RFX3: variants seen among roughly 807,000 people sequenced by gnomAD.
The protein encoded by RFX3 is transcription factor RFX3.
Under a neutral mutation model 98.6 loss-of-function variants are expected in RFX3, and 14 were observed. The observed-to-expected ratio is 0.14, with a 90% confidence interval of 0.09 to 0.22. RFX3 has a LOEUF of 0.22. Ranked by LOEUF, RFX3 falls within the 10% of genes least tolerant of loss-of-function variation. The pLI, the probability that RFX3 is intolerant of heterozygous loss-of-function variation, is 1.00. For synonymous variants in RFX3, 383 were observed against 328.4 expected, an observed-to-expected ratio of 1.17 and a Z score of -1.80; for missense variants, 639 against 926.9, an observed-to-expected ratio of 0.69 and a Z score of 4.03.
intron 1 of RFX3, among the ~76,000 whole-genome samples, chr9:3,400,810 C>T (rs1284762456): frequency 6.6e-6 from 1 of 152,074 alleles, no homozygotes; most frequent in Non-Finnish European, 1.5e-5. Flanking sequence ...CAGAAGAACC[C>T]CCTGATGGAG....
chr9:3,316,425 A>T (rs1170648404), intron 4 of RFX3, among the ~76,000 whole-genome samples: 2 of 152,244 alleles, frequency 1.3e-5, no homozygotes, highest in East Asian at 3.8e-4. Context: ...TATCATACTG[A>T]ATGGGCAAAA....
intron 1 of RFX3, among the ~76,000 whole-genome samples, chr9:3,427,586 G>A (rs1844236306): frequency 6.6e-6 from 1 of 151,044 alleles, no homozygotes; most frequent in Admixed American, 6.6e-5. Context: ...TTTGTTCTCA[G>A]GCAGTATAAT....
At chr9:3,259,731 G>A (rs1822617206) in intron 13 of RFX3, among the ~76,000 whole-genome samples, 1 of 151,908 alleles carries the variant, frequency 6.6e-6, no homozygotes, top group South Asian at 2.1e-4. Context: ...CAGTTATACT[G>A]CAATAGAAAA....
intron 7 of RFX3, among the ~76,000 whole-genome samples, chr9:3,285,601 T>C (rs1319410779): frequency 2.0e-5 from 3 of 151,612 alleles, no homozygotes; most frequent in Non-Finnish European, 3.0e-5. Flanking sequence ...GAGAGGCCCA[T>C]GCAATTGGCA....
chr9:3,385,112 ATAAT>A (rs1189354638), intron 2 of RFX3, among the ~76,000 whole-genome samples: 1 of 152,176 alleles, frequency 6.6e-6, no homozygotes, highest in African/African-American at 2.4e-5. Flanking sequence ...GCACACATAA[ATAAT>A]TCTTCTAATT....
chr9:3,399,396 A>T (rs988849283), intron 1 of RFX3, among the ~76,000 whole-genome samples: 3 of 152,062 alleles, frequency 2.0e-5, no homozygotes, highest in Non-Finnish European at 2.9e-5. Flanking sequence ...GTGAGCTGAG[A>T]TCTCATCATT....
At chr9:3,309,702 A>C (rs1829746718) in intron 4 of RFX3, among the ~76,000 whole-genome samples, 1 of 152,344 alleles carries the variant, frequency 6.6e-6, no homozygotes, top group Non-Finnish European at 1.5e-5. Context: ...GTGAAAAGAA[A>C]AATGTAATAG....
intron 1 of RFX3, among the ~76,000 whole-genome samples, chr9:3,494,975 C>G (rs1240703753): frequency 6.6e-6 from 1 of 151,928 alleles, no homozygotes; most frequent in Non-Finnish European, 1.5e-5. Context: ...AGAGTCTGGA[C>G]AAGTTTGGTA....
rs1414197559 is a variant in RFX3, at chr9:3,224,780, T to C, written c.*262A>G. The C allele has an allele frequency of 6.3e-6, 2 of 315,912 alleles. No individual in the cohort carries two copies. Among genetic ancestry groups the C allele is most frequent in the East Asian group, 5.4e-5 (1 of 18,584 alleles). 19.6% of individuals were successfully genotyped at this position (315,912 alleles called of 1,614,324 possible). On this transcript the variant is annotated 3_prime_UTR_variant, in exon 17 of 17. Transcript: ENST00000617270. ...TTTTTAATTATAAGAAAACAAAACA[T>C]TGACATTAAGTGTTGTAAAAATCCT...
At chr9:3,457,102 C>T (rs531876626) in intron 1 of RFX3, among the ~76,000 whole-genome samples, 1 of 132,280 alleles carries the variant, frequency 7.6e-6, no homozygotes, top group African/African-American at 2.9e-5. Flanking sequence ...GATCGCACCA[C>T]TGCGCTCCAG....
At chr9:3,439,132 T>TA (rs1181024147) in intron 1 of RFX3, among the ~76,000 whole-genome samples, 3 of 150,758 alleles carry the variant, frequency 2.0e-5, no homozygotes, top group Non-Finnish European at 3.0e-5. Flanking sequence ...TGAACGAAAT[T>TA]AAAAAAAATA....
At chr9:3,421,809 G>A (rs1185249200) in intron 1 of RFX3, among the ~76,000 whole-genome samples, 1 of 152,030 alleles carries the variant, frequency 6.6e-6, no homozygotes, top group Non-Finnish European at 1.5e-5. Context: ...CTTTCTCTCT[G>A]CCCCTCTGGT....
chr9:3,468,815 G>GAAAAAAAAAAAAAAAAAAAAA (rs34057815), intron 1 of RFX3, among the ~76,000 whole-genome samples: 16 of 84,266 alleles, frequency 1.9e-4, no homozygotes, highest in East Asian at 5.2e-4. Context: ...TTTTCCTTTT[G>GAAAAAAAAAAAAAAAAAAAAA]AAAAAAAAAA....
intron 2 of RFX3, among the ~76,000 whole-genome samples, chr9:3,348,846 C>T (rs1834756626): frequency 6.6e-6 from 1 of 152,034 alleles, no homozygotes; most frequent in Non-Finnish European, 1.5e-5. Context: ...TGACATAACC[C>T]CACCATCTTT....
intron 1 of RFX3, among the ~76,000 whole-genome samples, chr9:3,472,159 A>C (rs1280559252): frequency 6.6e-6 from 1 of 152,212 alleles, no homozygotes; most frequent in African/African-American, 2.4e-5. Flanking sequence ...TTGTCAAGTT[A>C]TTGAATGTTA....
At chr9:3,359,315 C>A (rs925697467) in intron 2 of RFX3, among the ~76,000 whole-genome samples, 8 of 152,102 alleles carry the variant, frequency 5.3e-5, no homozygotes, top group Non-Finnish European at 8.8e-5. Flanking sequence ...AGAACCTTTT[C>A]TTTACCCTAG....
intron 2 of RFX3, among the ~76,000 whole-genome samples, chr9:3,384,569 T>C (rs1365384687): frequency 1.3e-5 from 2 of 152,210 alleles, no homozygotes; most frequent in African/African-American, 2.4e-5. Context: ...GCATTAAGCA[T>C]AGGGACACAT....
At chr9:3,397,838 A>T (rs141571882) in intron 1 of RFX3, among the ~76,000 whole-genome samples, 234 of 152,332 alleles carry the variant, frequency 1.5e-3, no homozygotes, top group African/African-American at 5.6e-3. Context: ...TATATTTATT[A>T]ATTTAAAAAT....
chr9:3,284,904 C>G (rs1483369986), intron 7 of RFX3, among the ~76,000 whole-genome samples: 2 of 151,696 alleles, frequency 1.3e-5, no homozygotes, highest in African/African-American at 4.8e-5. Context: ...TGGCTATGTT[C>G]CATACAGTGG....
Sources: allele counts gnomAD v4.1 joint callset (sites outside exome capture counted in the v4.1 genomes callset), GRCh38; gene constraint gnomAD v4.1.1; transcripts MANE v1.5; gene names NCBI Gene and HGNC (gene_info 2026-07-23, HGNC 2026-07-21).